Variants in HELZ observed in about 807,000 individuals in gnomAD.
HELZ encodes ATP-dependent RNA helicase with zinc finger domain.
In HELZ, 23 loss-of-function variants were observed where a neutral mutation model predicts 218.2. That is an observed-to-expected ratio of 0.11 (90% confidence interval 0.08 to 0.15). The LOEUF (loss-of-function observed/expected upper bound fraction) is 0.15. HELZ is among the 10% of genes least tolerant of loss of function. HELZ has a pLI of 1.00. For missense variants in HELZ, 1,813 were observed against 2,353.7 expected (o/e 0.77, Z 4.75); for synonymous variants, 814 against 829.4 (o/e 0.98, Z 0.32).
At chr17:67,220,811 T>TA (rs967961965) in intron 3 of HELZ, among the ~76,000 whole-genome samples, 1 of 141,620 alleles carries the variant, frequency 7.1e-6, no homozygotes, top group African/African-American at 2.7e-5. Flanking sequence ...ACTTTTAATA[T>TA]AAAAAAAGAA....
At chr17:67,181,502 G>A (rs957161143) in intron 12 of HELZ, among the ~76,000 whole-genome samples, 10 of 152,040 alleles carry the variant, frequency 6.6e-5, no homozygotes, top group African/African-American at 2.4e-4. Context: ...TTAAATGCTT[G>A]TATCAAAATA....
At chr17:67,104,818 T>A (rs550854790) in intron 31 of HELZ, among the ~76,000 whole-genome samples, 2 of 151,942 alleles carry the variant, frequency 1.3e-5, no homozygotes, top group African/African-American at 4.8e-5. Context: ...AATAGGGAAA[T>A]GCAAATCAAA....
chr17:67,205,646 A>G (rs2040277357), intron 5 of HELZ, among the ~76,000 whole-genome samples: 1 of 152,240 alleles, frequency 6.6e-6, no homozygotes, highest in Admixed American at 6.5e-5. Context: ...GCAGGAATGA[A>G]AAAGTCTAAG....
chr17:67,154,196 AGTGG>A (rs1379746703), intron 17 of HELZ, among the ~76,000 whole-genome samples: 1 of 152,246 alleles, frequency 6.6e-6, no homozygotes, highest in Non-Finnish European at 1.5e-5. Flanking sequence ...GGAAGCCTGA[AGTGG>A]GTGGAACACT....
At chr17:67,202,795 T>C (rs1244742157) in intron 6 of HELZ, among the ~76,000 whole-genome samples, 1 of 152,178 alleles carries the variant, frequency 6.6e-6, no homozygotes, top group East Asian at 1.9e-4. Flanking sequence ...TTCTTATATA[T>C]AATCACAAAC....
At chr17:67,156,348 G>T (rs1448904955) in intron 17 of HELZ, among the ~76,000 whole-genome samples, 1 of 152,022 alleles carries the variant, frequency 6.6e-6, no homozygotes, top group Non-Finnish European at 1.5e-5. Flanking sequence ...CATATAAAAA[G>T]AATATTTACT....
chr17:67,088,232 C>T (rs2036452383), intron 31 of HELZ, among the ~76,000 whole-genome samples: 3 of 152,092 alleles, frequency 2.0e-5, no homozygotes, highest in Non-Finnish European at 4.4e-5. Context: ...TTTCTTTTTC[C>T]TCTTTTCTTT....
At chr17:67,176,096 G>A (rs1217752567) in intron 13 of HELZ, among the ~76,000 whole-genome samples, 1 of 152,044 alleles carries the variant, frequency 6.6e-6, no homozygotes, top group Non-Finnish European at 1.5e-5. Flanking sequence ...ATTATAGGAG[G>A]AATATATGGT....
At chr17:67,110,825 C>T (rs1279279041) in intron 28 of HELZ, among the ~76,000 whole-genome samples, 1 of 152,170 alleles carries the variant, frequency 6.6e-6, no homozygotes, top group Non-Finnish European at 1.5e-5. Flanking sequence ...TACTATCTGG[C>T]TTTTTACAGA....
intron 3 of HELZ, chr17:67,224,360 A>C (rs902884211): frequency 1.2e-5 from 2 of 173,730 alleles, no homozygotes; most frequent in Non-Finnish European, 2.5e-5. Context: ...GGGAGAAACT[A>C]AGTCCTGATG....
At chr17:67,216,586 A>C (rs942565067) in intron 4 of HELZ, among the ~76,000 whole-genome samples, 4 of 150,272 alleles carry the variant, frequency 2.7e-5, no homozygotes, top group African/African-American at 9.8e-5. Context: ...TCATGGCAAA[A>C]CTCCTCAAGA....
rs141884827 is a variant in HELZ at position 67,160,688 on chromosome 17, T to C, written c.2075+209A>G. ...TTAAAAACTATTTTAAAACTTACTG[T>C]CTATACTACCAATTCTAAAAACAGT... On this transcript the variant is annotated intron_variant, in intron 16 of 32. Transcript: ENST00000358691. Among the ~76,000 whole-genome samples, 479 of 152,322 alleles carry C rather than the reference T, an allele frequency of 3.1e-3. 4 individuals carry two copies. The highest frequency in any genetic ancestry group is 0.016 in the South Asian group (75 of 4,824).
intron 32 of HELZ, among the ~76,000 whole-genome samples, chr17:67,080,172 GTTCA>G (rs1451959471): frequency 6.6e-6 from 1 of 152,108 alleles, no homozygotes; most frequent in Non-Finnish European, 1.5e-5. Context: ...AGATATAACT[GTTCA>G]TTTATTTTTC....
At chr17:67,099,730 A>G (rs1304943157) in intron 31 of HELZ, among the ~76,000 whole-genome samples, 1 of 152,212 alleles carries the variant, frequency 6.6e-6, no homozygotes, top group Non-Finnish European at 1.5e-5. Context: ...CTGTGTGTAT[A>G]TAAATAGATA....
intron 31 of HELZ, among the ~76,000 whole-genome samples, chr17:67,095,204 C>A (rs2036705776): frequency 6.6e-6 from 1 of 152,034 alleles, no homozygotes; most frequent in African/African-American, 2.4e-5. Flanking sequence ...GAGTAGATTC[C>A]ATCACAAAAA....
Position 67,076,911 on chromosome 17 carries a change from T to A in HELZ, c.*1341A>T, listed in dbSNP as rs991740238. On this transcript the variant is annotated 3_prime_UTR_variant, in exon 33 of 33. Transcript: ENST00000358691. ...AGATACCTCTGAAATATAAAAGTAG[T>A]ATTACAAGGTCAGGAAAATAAGGAC... 5 of 152,122 alleles carry A rather than the reference T, an allele frequency of 3.3e-5. No homozygotes were observed. The highest frequency in any genetic ancestry group is 7.3e-5 in the Non-Finnish European group (5 of 68,034). 9.4% of individuals were successfully genotyped at this position (152,122 alleles called of 1,614,324 possible). A position where few individuals can be genotyped will look rare whatever the true frequency, so the allele number is the denominator to read the frequency against.
chr17:67,239,748 A>C (rs1225696560), intron 2 of HELZ: 1 of 152,176 alleles, frequency 6.6e-6, no homozygotes, highest in Non-Finnish European at 1.5e-5. Context: ...TCAGGCCTAT[A>C]TTTCCTTATC....
chr17:67,076,030 T>A lies in HELZ; in HGVS notation c.*2222A>T, dbSNP rs987035316. On this transcript the variant is annotated 3_prime_UTR_variant, in exon 33 of 33. Transcript: ENST00000358691. ...AAATAATTTAAAAACTGATATTTTT[T>A]AAAGATTCAAGTATAGAAAACAGAA... 2 of 152,586 alleles carry A rather than the reference T, an allele frequency of 1.3e-5. No individual in the cohort carries two copies. Among genetic ancestry groups the A allele is most frequent in the Non-Finnish European group, 2.9e-5 (2 of 68,030 alleles). 9.5% of individuals were successfully genotyped at this position (152,586 alleles called of 1,614,324 possible). A position where few individuals can be genotyped will look rare whatever the true frequency, so the allele number is the denominator to read the frequency against.
Position 67,148,555 on chromosome 17 carries a change from C to T in HELZ, c.2621+14G>A, listed in dbSNP as rs770169585. On this transcript the variant is annotated intron_variant, in intron 20 of 32. Coordinates refer to ENST00000358691, the MANE Select transcript of HELZ (RefSeq NM_014877.4). ...CAACGAAAGTATGACACGGAGGGGG[C>T]AGTTCACACCTACTTGATGATAGCT... 8.1e-6 allele frequency: 13 copies of T among 1,604,454 alleles called. No individual in the cohort carries two copies. In the East Asian group the frequency reaches 2.9e-4, roughly 36 times the overall value.
Sources: allele counts gnomAD v4.1 joint callset (sites outside exome capture counted in the v4.1 genomes callset), GRCh38; gene constraint gnomAD v4.1.1; transcripts MANE v1.5; gene names NCBI Gene and HGNC (gene_info 2026-07-23, HGNC 2026-07-21).